PDLIM5: variants seen among roughly 807,000 people sequenced by gnomAD.
PDLIM5 encodes PDZ and LIM domain 5.
A neutral mutation model predicts 64.2 loss-of-function variants in PDLIM5; 34 were observed. The observed-to-expected ratio is 0.53, with a 90% CI of 0.40 to 0.71. The LOEUF (loss-of-function observed/expected upper bound fraction) is 0.71. Among genes scored for constraint, PDLIM5 ranks in the 30% least tolerant of loss-of-function variants. The pLI, the probability that PDLIM5 is intolerant of heterozygous loss-of-function variation, is 0.00. For missense variants in PDLIM5, 683 were observed against 733.6 expected (o/e 0.93, Z 0.80); for synonymous variants, 253 against 269.1 (o/e 0.94, Z 0.59).
intron 7 of PDLIM5, among the ~76,000 whole-genome samples, chr4:94,601,380 C>T (rs1327600770): frequency 6.6e-6 from 1 of 152,186 alleles, no homozygotes; most frequent in East Asian, 1.9e-4. Context: ...CTAATACTAT[C>T]ACATAGGGCG....
chr4:94,567,769 G>A (rs112920510), intron 3 of PDLIM5, among the ~76,000 whole-genome samples: 5,269 of 152,268 alleles, frequency 0.035, 106 homozygotes, highest in Middle Eastern at 0.065. Context: ...ATGAACTGAA[G>A]TGCTGACTAG....
intron 8 of PDLIM5, 89 bp from the exon 9 acceptor site, chr4:94,640,187 T>C (rs1233601192): frequency 1.6e-6 from 1 of 641,724 alleles, no homozygotes; most frequent in Non-Finnish European, 2.6e-6. Flanking sequence ...AATAGATTAC[T>C]GTTAAAATAA....
intron 3 of PDLIM5, among the ~76,000 whole-genome samples, chr4:94,566,895 A>G (rs1247806916): frequency 6.6e-6 from 1 of 152,216 alleles, no homozygotes; most frequent in Non-Finnish European, 1.5e-5. Flanking sequence ...TTTTATATAC[A>G]TTGTTTAAAG....
At chr4:94,601,369 C>T (rs535413225) in intron 7 of PDLIM5, among the ~76,000 whole-genome samples, 20 of 152,254 alleles carry the variant, frequency 1.3e-4, no homozygotes, top group African/African-American at 4.6e-4. Flanking sequence ...GGCCTCACCT[C>T]CTAATACTAT....
At position 94,665,489 on chromosome 4, in the gene PDLIM5, A is replaced by T. The variant is rs1743031200; in HGVS notation, c.*1422A>T. On this transcript the variant is annotated 3_prime_UTR_variant, in exon 13 of 13. Transcript: ENST00000317968. ...AGCAAGACTCCGGCTCTTAAAAAAA[A>T]AAAAAAAAAAAAAAAAAGAGAGAGA... 1 of 567,526 alleles carries T rather than the reference A, an allele frequency of 1.8e-6. No homozygotes were observed. The highest frequency in any genetic ancestry group is 2.1e-6 in the Non-Finnish European group (1 of 469,582). The allele number at this position is 567,526 out of a possible 1,614,324, so 35.2% of individuals were successfully genotyped here. A position where few individuals can be genotyped will look rare whatever the true frequency, so the allele number is the denominator to read the frequency against.
intron 9 of PDLIM5, among the ~76,000 whole-genome samples, chr4:94,642,696 C>T (rs1741091059): frequency 6.6e-6 from 1 of 152,086 alleles, no homozygotes; most frequent in Admixed American, 6.5e-5. Context: ...GCTTAAGCAG[C>T]TTGAATCGAT....
At chr4:94,482,427 T>G (rs1296752018) in intron 2 of PDLIM5, among the ~76,000 whole-genome samples, 7 of 152,254 alleles carry the variant, frequency 4.6e-5, no homozygotes, top group Non-Finnish European at 1.0e-4. Flanking sequence ...TTGCTTTTTA[T>G]GTGCAAGTGT....
At chr4:94,513,902 T>G (rs1182952205) in intron 2 of PDLIM5, among the ~76,000 whole-genome samples, 1 of 152,154 alleles carries the variant, frequency 6.6e-6, no homozygotes, top group Non-Finnish European at 1.5e-5. Context: ...TGTTCCTCTA[T>G]TCCCAGTTTT....
intron 3 of PDLIM5, among the ~76,000 whole-genome samples, chr4:94,538,458 C>A (rs1731501340): frequency 6.6e-6 from 1 of 152,094 alleles, no homozygotes; most frequent in Non-Finnish European, 1.5e-5. Flanking sequence ...ACAGTAGTGA[C>A]ACAGGAATTG....
At chr4:94,585,117 GTC>G in intron 5 of PDLIM5, 1 of 615,350 alleles carries the variant, frequency 1.6e-6, no homozygotes. Context: ...GTGAAACAGA[GTC>G]TCGCTCTGTT....
At chr4:94,596,689 A>G (rs1241213592) in intron 7 of PDLIM5, among the ~76,000 whole-genome samples, 1 of 152,030 alleles carries the variant, frequency 6.6e-6, no homozygotes, top group Non-Finnish European at 1.5e-5. Context: ...CAGAAGTCCA[A>G]GTTTTCCTAC....
At chr4:94,567,560 T>A (rs572005976) in intron 3 of PDLIM5, among the ~76,000 whole-genome samples, 9 of 151,988 alleles carry the variant, frequency 5.9e-5, no homozygotes, top group African/African-American at 2.2e-4. Flanking sequence ...TGTTAAAAAA[T>A]ATAGAGTTTT....
intron 7 of PDLIM5, among the ~76,000 whole-genome samples, chr4:94,608,711 A>G (rs920671987): frequency 2.6e-5 from 4 of 152,210 alleles, no homozygotes; most frequent in African/African-American, 9.6e-5. Context: ...CAATATACTA[A>G]GTTTCTAGTT....
At chr4:94,519,505 G>A (rs190164388) in intron 2 of PDLIM5, among the ~76,000 whole-genome samples, 103 of 152,300 alleles carry the variant, frequency 6.8e-4, no homozygotes, top group African/African-American at 2.4e-3. Flanking sequence ...ATATTTGCCT[G>A]ACTTCAAAGC....
chr4:94,478,773 G>T (rs544962815), intron 2 of PDLIM5, among the ~76,000 whole-genome samples: 2 of 151,790 alleles, frequency 1.3e-5, no homozygotes, highest in African/African-American at 4.8e-5. Context: ...ATGGTAGGCC[G>T]CTTGCTGAAA....
At chr4:94,572,285 A>T (rs1734871947) in intron 3 of PDLIM5, among the ~76,000 whole-genome samples, 1 of 152,206 alleles carries the variant, frequency 6.6e-6, no homozygotes, top group South Asian at 2.1e-4. Flanking sequence ...CATATTAAAC[A>T]TAACATATAC....
chr4:94,548,735 C>T (rs1471820794), intron 3 of PDLIM5, among the ~76,000 whole-genome samples: 5 of 152,176 alleles, frequency 3.3e-5, no homozygotes, highest in Non-Finnish European at 1.5e-5. Flanking sequence ...ACACCCACTT[C>T]CCTCTAAGCT....
intron 8 of PDLIM5, among the ~76,000 whole-genome samples, chr4:94,629,555 A>G (rs1578502789): frequency 6.6e-6 from 1 of 152,182 alleles, no homozygotes; most frequent in South Asian, 2.1e-4. Flanking sequence ...TGTGTGATAT[A>G]AGAAATTAAA....
At chr4:94,640,142 C>G in intron 8 of PDLIM5, 134 bp from the exon 9 acceptor site, 1 of 458,390 alleles carries the variant, frequency 2.2e-6, no homozygotes. Context: ...TGATTCATAA[C>G]CTCACTGTAA....
Sources: allele counts gnomAD v4.1 joint callset (sites outside exome capture counted in the v4.1 genomes callset), GRCh38; gene constraint gnomAD v4.1.1; transcripts MANE v1.5; gene names NCBI Gene and HGNC (gene_info 2026-07-23, HGNC 2026-07-21).